GOLGB1: variants seen among roughly 807,000 people sequenced by gnomAD.
GOLGB1 encodes golgin B1.
Under a neutral mutation model 336.9 loss-of-function variants are expected in GOLGB1, and 174 were observed. The ratio of observed to expected loss-of-function variants is 0.52; its 90% CI spans 0.46 to 0.59. GOLGB1 has a LOEUF of 0.59. Among genes scored for constraint, GOLGB1 ranks in the 20% least tolerant of loss-of-function variants. GOLGB1 has a pLI of 0.00. For missense variants in GOLGB1, 3,331 were observed against 3,645.3 expected, an observed-to-expected ratio of 0.91 and a Z score of 2.22; for synonymous variants, 1,208 against 1,289.2, an observed-to-expected ratio of 0.94 and a Z score of 1.35.
chr3:121,747,257 GTA>G (rs1279113291), intron 1 of GOLGB1, among the ~76,000 whole-genome samples: 178 of 132,390 alleles, frequency 1.3e-3, no homozygotes, highest in African/African-American at 4.7e-3. Flanking sequence ...ATCCATGTGT[GTA>G]TATATATATG....
intron 13 of GOLGB1, among the ~76,000 whole-genome samples, chr3:121,692,821 T>C (rs1341218635): frequency 6.6e-6 from 1 of 152,236 alleles, no homozygotes; most frequent in Non-Finnish European, 1.5e-5. Flanking sequence ...AACTCCAAAA[T>C]ATGTCACTTA....
At chr3:121,681,928 T>C (rs1013764588) in intron 14 of GOLGB1, 63 bp from the exon 15 acceptor site, 91 of 1,118,534 alleles carry the variant, frequency 8.1e-5, no homozygotes, top group Non-Finnish European at 1.1e-4. Context: ...CTGTAAGTCA[T>C]TGGTAGCTCC....
chr3:121,695,729 CAA>C lies in GOLGB1; in HGVS notation c.4792_4793del (p.Leu1598GlufsTer4). ...KEKLVKEIES[L>X]KSSKIAESTE... The stretch of plus-strand genomic sequence containing the variant: ...TACTTTCTGCAATCTTAGAAGATTT[CAA>C]AGATTCAATTTCCTTCACTAACTTT... On this transcript the variant is annotated frameshift_variant, in exon 13 of 22. Transcript: ENST00000614479. LOFTEE classifies it high-confidence loss of function. The C allele has an allele frequency of 6.2e-7, 1 of 1,611,382 alleles. No individual in the cohort carries two copies. The highest frequency in any genetic ancestry group is 8.5e-7 in the Non-Finnish European group (1 of 1,179,896).
At position 121,697,423 on chromosome 3, in the gene GOLGB1, GT is replaced by G. The variant is rs1943042313; in HGVS notation, c.3099del (p.Leu1034SerfsTer23). 6.2e-7 allele frequency: 1 copy of G among 1,611,830 alleles called. No homozygotes were observed. The highest frequency in any genetic ancestry group is 1.7e-5 in the Admixed American group (1 of 59,640). On this transcript the variant is annotated frameshift_variant, in exon 13 of 22. Coordinates refer to ENST00000614479, the MANE Select transcript of GOLGB1 (RefSeq NM_001366282.2). LOFTEE classifies it high-confidence loss of function. ...ACTTCTCCCCTCTCAGTCTCACTGA[GT>G]GGGATTTCTTTCTTAGATTCATCTT... Reference protein sequence around the residue: ...NLKDESKKEIPLSETERGEVE... With the variant: ...NLKDESKKEIXLSETERGEVE...
At chr3:121,682,410 T>C (rs1941184506) in intron 14 of GOLGB1, among the ~76,000 whole-genome samples, 1 of 151,150 alleles carries the variant, frequency 6.6e-6, no homozygotes, top group Non-Finnish European at 1.5e-5. Context: ...ATACTCTTCT[T>C]TTTTTTTTGA....
chr3:121,704,776 C>CCA (rs373334654), intron 10 of GOLGB1, among the ~76,000 whole-genome samples: 1 of 107,016 alleles, frequency 9.3e-6, no homozygotes, highest in Non-Finnish European at 1.8e-5. Context: ...AACTCCATCT[C>CCA]AAAAAAAAAA....
chr3:121,748,192 T>C (rs1422263867), intron 1 of GOLGB1, among the ~76,000 whole-genome samples: 1 of 152,176 alleles, frequency 6.6e-6, no homozygotes, highest in Admixed American at 6.5e-5. Context: ...AACAAGGAAG[T>C]ATCTTTACGT....
chr3:121,718,558 T>A (rs1242365863), intron 7 of GOLGB1, 57 bp from the exon 8 acceptor site: 6 of 1,177,258 alleles, frequency 5.1e-6, no homozygotes, highest in Non-Finnish European at 7.6e-6. Flanking sequence ...TGTATTTGCT[T>A]ATCTTTCAAA....
rs769021737 is a variant in GOLGB1 at position 121,694,646 on chromosome 3, C to T, written c.5877G>A (p.Leu1959=). 2 of 1,611,286 alleles carry T rather than the reference C, an allele frequency of 1.2e-6. No homozygotes were observed. The highest frequency in any genetic ancestry group is 2.2e-5 in the South Asian group (2 of 90,974). Residue 1959 remains leucine (L), a synonymous_variant, in exon 13 of 22, where the codon TTG becomes TTA. Transcript: ENST00000614479. Reference sequence around the variant, plus strand: ...TTTTAAGGTTCTTCATTTCAGATTCCAATAGCTCATTTTTTATTTGGGCAT... The same window carrying T: ...TTTTAAGGTTCTTCATTTCAGATTCTAATAGCTCATTTTTTATTTGGGCAT... ...VTDAQIKNEL[L]ESEMKNLKKC... is the part of the protein sequence containing the mutation.
chr3:121,741,565 T>C (rs12386356), intron 1 of GOLGB1, among the ~76,000 whole-genome samples: 12,706 of 152,278 alleles, frequency 0.083, 692 homozygotes, highest in Non-Finnish European at 0.12. Context: ...ATGTGAAATG[T>C]AGAATTAAAG....
chr3:121,663,625 G>A lies in GOLGB1; in HGVS notation c.*855C>T, dbSNP rs535812951. 6.6e-6 allele frequency: 1 copy of A among 152,292 alleles called. No homozygotes were observed. Among genetic ancestry groups the A allele is most frequent in the South Asian group, 2.1e-4 (1 of 4,824 alleles). 9.4% of individuals were successfully genotyped at this position (152,292 alleles called of 1,614,324 possible). A position where few individuals can be genotyped will look rare whatever the true frequency, so the allele number is the denominator to read the frequency against. On this transcript the variant is annotated 3_prime_UTR_variant, in exon 22 of 22. Coordinates refer to ENST00000614479, the MANE Select transcript of GOLGB1 (RefSeq NM_001366282.2). ...TTAGACCAGTCAGACTCCTGGCTGA[G>A]AGTCAATGCCTAATATTGGCTCCCA...
chr3:121,746,725 T>C lies in GOLGB1; in HGVS notation c.-3+2907A>G, dbSNP rs991517006. Among the ~76,000 whole-genome samples, 9 of 152,184 alleles carry C rather than the reference T, an allele frequency of 5.9e-5. No individual in the cohort carries two copies. The South Asian group carries it at 1.9e-3, about 32-fold the overall frequency. On this transcript the variant is annotated intron_variant, in intron 1 of 21. Coordinates refer to ENST00000614479, the MANE Select transcript of GOLGB1 (RefSeq NM_001366282.2). The stretch of plus-strand genomic sequence containing the variant: ...AAACTCCTGACTCCAAGTGATCCAC[T>C]CGCCTTGGCCTCCCAAAGTGCTGGG...
At chr3:121,727,242 TA>T (rs1399008548) in intron 4 of GOLGB1, among the ~76,000 whole-genome samples, 1 of 133,998 alleles carries the variant, frequency 7.5e-6, no homozygotes, top group Non-Finnish European at 1.5e-5. Flanking sequence ...CTGTTAGACC[TA>T]CCCTCCCTCA....
chr3:121,722,219 C>G, intron 6 of GOLGB1, 43 bp downstream of exon 6: 1 of 1,097,938 alleles, frequency 9.1e-7, no homozygotes, highest in Non-Finnish European at 1.4e-6. Flanking sequence ...TAATAACCCA[C>G]TGGACTTCAT....
At chr3:121,742,122 A>G (rs1207446232) in intron 1 of GOLGB1, among the ~76,000 whole-genome samples, 1 of 152,238 alleles carries the variant, frequency 6.6e-6, no homozygotes, top group Non-Finnish European at 1.5e-5. Flanking sequence ...ACTACTTTAA[A>G]GTTCATATGG....
chr3:121,684,140 A>AAAAAAAAAAAAAC (rs1941447818), intron 14 of GOLGB1, among the ~76,000 whole-genome samples: 6 of 148,694 alleles, frequency 4.0e-5, no homozygotes, highest in Non-Finnish European at 6.0e-5. Context: ...AAAAAAAAAA[A>AAAAAAAAAAAAAC]AAAAAAAAAA....
At chr3:121,673,147 G>A (rs1263653961) in intron 17 of GOLGB1, among the ~76,000 whole-genome samples, 1 of 150,960 alleles carries the variant, frequency 6.6e-6, no homozygotes, top group Non-Finnish European at 1.5e-5. Context: ...TCGGCTCACT[G>A]TAACTTCCAC....
At chr3:121,742,995 G>A (rs1946986967) in intron 1 of GOLGB1, among the ~76,000 whole-genome samples, 1 of 152,168 alleles carries the variant, frequency 6.6e-6, no homozygotes, top group Non-Finnish European at 1.5e-5. Flanking sequence ...TGGAAAAATA[G>A]GAATGCTTTT....
chr3:121,749,464 G>C (rs1264642422), intron 1 of GOLGB1, among the ~76,000 whole-genome samples, 168 bp downstream of exon 1: 1 of 152,224 alleles, frequency 6.6e-6, no homozygotes, highest in Non-Finnish European at 1.5e-5. Flanking sequence ...ACTAGGCCTG[G>C]TAGGTGAAGG....
Sources: allele counts gnomAD v4.1 joint callset (sites outside exome capture counted in the v4.1 genomes callset), GRCh38; gene constraint gnomAD v4.1.1; transcripts MANE v1.5; gene names NCBI Gene and HGNC (gene_info 2026-07-23, HGNC 2026-07-21).